The following AFF4 variants were observed in gnomAD, a reference collection of about 807,000 sequenced individuals.
The protein encoded by AFF4 is ALF transcription elongation factor 4.
AFF4 carries 13 observed loss-of-function variants against 124.8 expected under a neutral mutation model. The observed-to-expected ratio is 0.10, with a 90% CI of 0.07 to 0.17. AFF4 has a LOEUF of 0.17. AFF4 is among the 10% of genes least tolerant of loss of function. The probability of loss-of-function intolerance (pLI) is 1.00; values close to 1 mark genes in which losing one functional copy is unlikely to be tolerated. For missense variants in AFF4, 1,092 were observed against 1,403.8 expected (o/e 0.78, Z 3.55); for synonymous variants, 477 against 496.1 (o/e 0.96, Z 0.51).
chr5:132,887,837 T>C lies in AFF4; in HGVS notation c.2933+9A>G. 6.2e-7 allele frequency: 1 copy of C among 1,611,210 alleles called. No individual in the cohort carries two copies. Among genetic ancestry groups the C allele is most frequent in the Non-Finnish European group, 8.5e-7 (1 of 1,179,176 alleles). The stretch of plus-strand genomic sequence containing the variant: ...TATTGCCAATGATCTGCCAAGTTTT[T>C]CCACTTACTTGATGAGATCCACCGT... On this transcript the variant is annotated intron_variant, in intron 16 of 20. Transcript: ENST00000265343.
At chr5:132,931,425 T>C (rs1761297959) in intron 4 of AFF4, among the ~76,000 whole-genome samples, 2 of 152,042 alleles carry the variant, frequency 1.3e-5, no homozygotes, top group Admixed American at 6.6e-5. Flanking sequence ...TGAGACTCCA[T>C]ATCAAGAAAA....
intron 1 of AFF4, chr5:132,937,829 C>A (rs907200671): frequency 6.6e-6 from 1 of 152,102 alleles, no homozygotes; most frequent in Non-Finnish European, 1.5e-5. Context: ...GTGATAGAAT[C>A]AAAAATTAAC....
intron 1 of AFF4, among the ~76,000 whole-genome samples, chr5:132,946,562 G>T (rs1298753359): frequency 6.6e-6 from 1 of 152,136 alleles, no homozygotes; most frequent in African/African-American, 2.4e-5. Context: ...TATGCTATGT[G>T]AAATAAGTCA....
chr5:132,961,744 C>A (rs1356106940), intron 1 of AFF4, among the ~76,000 whole-genome samples: 1 of 152,064 alleles, frequency 6.6e-6, no homozygotes, highest in East Asian at 1.9e-4. Context: ...CCCATCTTGT[C>A]CCCACTTGAA....
intron 1 of AFF4, among the ~76,000 whole-genome samples, chr5:132,940,885 G>A (rs1761552833): frequency 1.3e-5 from 2 of 152,196 alleles, no homozygotes; most frequent in South Asian, 2.1e-4. Flanking sequence ...AAATTAGCCA[G>A]GCATGGTGGC....
intron 1 of AFF4, among the ~76,000 whole-genome samples, chr5:132,960,063 C>T (rs1050356567): frequency 2.0e-5 from 3 of 152,020 alleles, no homozygotes; most frequent in South Asian, 2.1e-4. Context: ...CCAGTAGGAG[C>T]GCTTTTCTTA....
At chr5:132,910,462 A>G (rs1437514816) in intron 5 of AFF4, among the ~76,000 whole-genome samples, 1 of 152,192 alleles carries the variant, frequency 6.6e-6, no homozygotes, top group Non-Finnish European at 1.5e-5. Context: ...TGCTAACCCC[A>G]AATTCCCTAG....
chr5:132,963,095 G>A (rs2150118942), intron 1 of AFF4, among the ~76,000 whole-genome samples, 164 bp downstream of exon 1: 1 of 152,254 alleles, frequency 6.6e-6, no homozygotes, highest in East Asian at 1.9e-4. Context: ...TGGTGGGGTG[G>A]GACGCGCAGA....
chr5:132,958,302 A>T (rs548357812), intron 1 of AFF4, among the ~76,000 whole-genome samples: 1 of 151,956 alleles, frequency 6.6e-6, no homozygotes, highest in South Asian at 2.1e-4. Flanking sequence ...ATTTCTACAA[A>T]AAATACAAAA....
intron 2 of AFF4, among the ~76,000 whole-genome samples, 174 bp from the exon 3 acceptor site, chr5:132,935,115 T>TG (rs928025897): frequency 6.6e-6 from 1 of 151,732 alleles, no homozygotes; most frequent in African/African-American, 2.4e-5. Context: ...ATTTCTGTAG[T>TG]GAAAAAAAAA....
At chr5:132,918,885 TTTG>T (rs1387692922) in intron 5 of AFF4, among the ~76,000 whole-genome samples, 5 of 134,488 alleles carry the variant, frequency 3.7e-5, no homozygotes, top group Non-Finnish European at 7.9e-5. Context: ...GTGTTGTTTG[TTTG>T]TTTTTTTTTT....
chr5:132,962,332 T>C (rs931807559), intron 1 of AFF4, among the ~76,000 whole-genome samples: 11 of 152,158 alleles, frequency 7.2e-5, no homozygotes, highest in Non-Finnish European at 1.5e-4. Flanking sequence ...CACTGGTCAA[T>C]GGAAAAGTGA....
chr5:132,963,144 C>T (rs1762119399), intron 1 of AFF4, 115 bp downstream of exon 1: 2 of 361,362 alleles, frequency 5.5e-6, no homozygotes, highest in Non-Finnish European at 9.9e-6. Context: ...AGCCCCAGCC[C>T]GGAGGGTCTC....
intron 6 of AFF4, 55 bp downstream of exon 6, chr5:132,904,313 C>G: frequency 6.8e-7 from 1 of 1,467,634 alleles, no homozygotes; most frequent in East Asian, 2.3e-5. Flanking sequence ...ACCATGAAAA[C>G]TGAATGTTCA....
intron 1 of AFF4, among the ~76,000 whole-genome samples, chr5:132,956,737 A>T (rs1761968514): frequency 6.6e-6 from 1 of 151,770 alleles, no homozygotes; most frequent in East Asian, 1.9e-4. Context: ...AAATGTAAAC[A>T]TGGGCCAGGC....
chr5:132,902,727 G>T (rs1581285002), intron 6 of AFF4, among the ~76,000 whole-genome samples: 1 of 152,124 alleles, frequency 6.6e-6, no homozygotes, highest in African/African-American at 2.4e-5. Context: ...GGGCAATCTG[G>T]TAATACCTTC....
intron 5 of AFF4, among the ~76,000 whole-genome samples, chr5:132,913,603 C>T (rs1760843354): frequency 6.6e-6 from 1 of 152,118 alleles, no homozygotes. Flanking sequence ...ACCACCGTGC[C>T]CGGCTGATTT....
In AFF4 at chr5:132,880,059, G is replaced by GA; in HGVS notation, c.*999dup. 2.5e-6 allele frequency: 1 copy of GA among 395,400 alleles called. No homozygotes were observed. The highest frequency in any genetic ancestry group is 3.6e-5 in the East Asian group (1 of 27,970). 24.5% of individuals were successfully genotyped at this position (395,400 alleles called of 1,614,324 possible). A position where few individuals can be genotyped will look rare whatever the true frequency, so the allele number is the denominator to read the frequency against. On this transcript the variant is annotated 3_prime_UTR_variant, in exon 21 of 21. Coordinates refer to ENST00000265343, the MANE Select transcript of AFF4 (RefSeq NM_014423.4). Reference sequence around the variant, plus strand: ...GAGCATCACAATCCAGTATGAGGGGGAAAAATCTGAAAAATAACTCTAACT... The same window carrying GA: ...GAGCATCACAATCCAGTATGAGGGGGAAAAAATCTGAAAAATAACTCTAACT...
At chr5:132,926,305 G>C in intron 5 of AFF4, 1 of 420,602 alleles carries the variant, frequency 2.4e-6, no homozygotes, top group South Asian at 1.9e-5. Flanking sequence ...CAAGGAGAAT[G>C]TATTTCTGTA....
Sources: allele counts gnomAD v4.1 joint callset (sites outside exome capture counted in the v4.1 genomes callset), GRCh38; gene constraint gnomAD v4.1.1; transcripts MANE v1.5; gene names NCBI Gene and HGNC (gene_info 2026-07-23, HGNC 2026-07-21).